Variants in KAZN observed in about 807,000 individuals in gnomAD.
KAZN encodes kazrin, periplakin interacting protein.
In KAZN, 40 loss-of-function variants were observed where a neutral mutation model predicts 87.4. The ratio of observed to expected loss-of-function variants is 0.46; its 90% confidence interval spans 0.36 to 0.60. The LOEUF (loss-of-function observed/expected upper bound fraction) is 0.60, where lower values mean the gene tolerates loss of function less well. Ranked by LOEUF, KAZN falls within the 20% of genes least tolerant of loss-of-function variation. KAZN has a pLI of 0.00. For missense variants in KAZN, 898 were observed against 1,073.9 expected, an observed-to-expected ratio of 0.84 and a Z score of 2.29; for synonymous variants, 466 against 458.3, an observed-to-expected ratio of 1.02 and a Z score of -0.22.
chr1:14,104,050 G>T (rs1251918687), intron 1 of KAZN, among the ~76,000 whole-genome samples: 1 of 152,198 alleles, frequency 6.6e-6, no homozygotes, highest in Non-Finnish European at 1.5e-5. Context: ...ACTGGAGACA[G>T]CGAAGACACT....
intron 1 of KAZN, among the ~76,000 whole-genome samples, chr1:14,129,227 G>A (rs759391567): frequency 2.6e-5 from 4 of 152,176 alleles, no homozygotes; most frequent in Non-Finnish European, 5.9e-5. Flanking sequence ...AGGCATGAAA[G>A]GGAATGTTTA....
At position 14,236,371 on chromosome 1, in the gene KAZN, CCAGGTCTTCCTCTTGTGCAGT is replaced by C. The variant is rs1344577019; in HGVS notation, c.249+55780_249+55800del. ...CTCTTCCTAGTCCAACATCTGCTGCCCAGGTCTTCCTCTTGTGCAGTAGGATTGACTTCTTCTGAAGATAAC... is the reference window on the plus strand; with the variant it reads ...CTCTTCCTAGTCCAACATCTGCTGCCAGGATTGACTTCTTCTGAAGATAAC... On this transcript the variant is annotated intron_variant, in intron 2 of 16. Transcript: ENST00000636203. Among the ~76,000 whole-genome samples, 34 of 152,264 alleles carry C rather than the reference CCAGGTCTTCCTCTTGTGCAGT, an allele frequency of 2.2e-4. 1 individual carries two copies. Among genetic ancestry groups the C allele is most frequent in the Non-Finnish European group, 1.5e-5 (1 of 68,024 alleles).
chr1:14,535,933 G>C (rs951371845), intron 2 of KAZN, among the ~76,000 whole-genome samples: 1 of 152,204 alleles, frequency 6.6e-6, no homozygotes, highest in Admixed American at 6.5e-5. Flanking sequence ...AGGGCAACTT[G>C]TTGAAAATAG....
At chr1:14,048,056 C>A (rs554783999) in intron 1 of KAZN, among the ~76,000 whole-genome samples, 103 of 152,270 alleles carry the variant, frequency 6.8e-4, no homozygotes, top group Non-Finnish European at 1.2e-3. Flanking sequence ...GCCAACTCTT[C>A]CACTCTCCAG....
chr1:14,355,427 T>C (rs1658936863), intron 2 of KAZN, among the ~76,000 whole-genome samples: 1 of 151,468 alleles, frequency 6.6e-6, no homozygotes, highest in Non-Finnish European at 1.5e-5. Context: ...TATTTATTTA[T>C]TTATTTATTT....
At chr1:14,670,824 G>T (rs1253481677) in intron 1 of KAZN, among the ~76,000 whole-genome samples, 1 of 152,218 alleles carries the variant, frequency 6.6e-6, no homozygotes, top group Non-Finnish European at 1.5e-5. Flanking sequence ...TGGTCCAGGT[G>T]CCACACTTTG....
At chr1:14,556,766 A>C (rs1673906413) in intron 2 of KAZN, among the ~76,000 whole-genome samples, 1 of 152,228 alleles carries the variant, frequency 6.6e-6, no homozygotes, top group Non-Finnish European at 1.5e-5. Flanking sequence ...TCCATCTCTA[A>C]GAAGAGGGAG....
intron 1 of KAZN, among the ~76,000 whole-genome samples, chr1:13,960,088 C>G (rs762363315): frequency 6.7e-6 from 1 of 148,578 alleles, no homozygotes; most frequent in Non-Finnish European, 1.5e-5. Flanking sequence ...GGGGAAAAAG[C>G]CATTAATAAA....
At chr1:14,612,807 C>T (rs1677923504) in intron 1 of KAZN, among the ~76,000 whole-genome samples, 1 of 152,194 alleles carries the variant, frequency 6.6e-6, no homozygotes, top group Non-Finnish European at 1.5e-5. Flanking sequence ...GGGATGAAAG[C>T]ATTCCCTGCT....
At chr1:14,503,301 G>A (rs941643238) in intron 2 of KAZN, among the ~76,000 whole-genome samples, 8 of 151,182 alleles carry the variant, frequency 5.3e-5, no homozygotes, top group African/African-American at 1.9e-4. Context: ...GGCTAACAAC[G>A]GTGAAACCCC....
intron 2 of KAZN, among the ~76,000 whole-genome samples, chr1:14,545,989 A>G (rs1284300528): frequency 6.6e-6 from 1 of 152,090 alleles, no homozygotes; most frequent in Non-Finnish European, 1.5e-5. Flanking sequence ...AGAACCAGAA[A>G]TATTTGGTGA....
intron 2 of KAZN, among the ~76,000 whole-genome samples, chr1:14,220,214 G>A (rs558022998): frequency 6.6e-6 from 1 of 152,224 alleles, no homozygotes; most frequent in African/African-American, 2.4e-5. Flanking sequence ...GCCTGTAGGA[G>A]CTCCAGACAT....
At chr1:14,098,270 C>T (rs908184152) in intron 1 of KAZN, among the ~76,000 whole-genome samples, 5 of 152,178 alleles carry the variant, frequency 3.3e-5, no homozygotes, top group African/African-American at 1.2e-4. Context: ...AGTCCTGGAA[C>T]TAAGAAGGTG....
At chr1:14,274,200 G>A (rs1014141910) in intron 2 of KAZN, among the ~76,000 whole-genome samples, 2 of 152,146 alleles carry the variant, frequency 1.3e-5, no homozygotes, top group African/African-American at 4.8e-5. Context: ...GTGATGAAAT[G>A]GATGTTTGCA....
intron 2 of KAZN, among the ~76,000 whole-genome samples, chr1:14,334,169 C>A (rs1428630976): frequency 1.3e-5 from 2 of 151,894 alleles, no homozygotes; most frequent in Admixed American, 6.5e-5. Flanking sequence ...AGTTCTAGAC[C>A]AGCCTGACCA....
chr1:14,344,555 G>A (rs567428011), intron 2 of KAZN, among the ~76,000 whole-genome samples: 1 of 152,134 alleles, frequency 6.6e-6, no homozygotes, highest in South Asian at 2.1e-4. Flanking sequence ...TGCAACTTCT[G>A]TTCTAATGGA....
Position 15,094,040 on chromosome 1 carries a change from C to T in KAZN, c.1223-140C>T. On this transcript the variant is annotated intron_variant, in intron 8 of 14. Transcript: ENST00000376030. This position sits in a 1 kb window ranked among gnomAD's most constrained non-coding sequence, Gnocchi z 4.5. ...GGCAAGGGCAGAAAAACAAAAACGCCAAAAGCCACTTTGATTTTGAAGAGA... is the reference window on the plus strand; with the variant it reads ...GGCAAGGGCAGAAAAACAAAAACGCTAAAAGCCACTTTGATTTTGAAGAGA... The T allele has an allele frequency of 1.4e-6, 1 of 692,124 alleles. No individual in the cohort carries two copies. Among genetic ancestry groups the T allele is most frequent in the Non-Finnish European group, 2.4e-6 (1 of 422,252 alleles). 42.9% of individuals were successfully genotyped at this position (692,124 alleles called of 1,614,324 possible).
At chr1:15,060,426 T>A in intron 6 of KAZN, 124 bp downstream of exon 6, 1 of 1,261,478 alleles carries the variant, frequency 7.9e-7, no homozygotes, top group Non-Finnish European at 1.1e-6. Context: ...CTCTGGCGAA[T>A]GCATTTCCTG....
Position 15,114,803 on chromosome 1 carries a change from G to C in KAZN, c.*168G>C. On this transcript the variant is annotated 3_prime_UTR_variant, in exon 15 of 15. Transcript: ENST00000376030. The stretch of plus-strand genomic sequence containing the variant: ...GCGGTTTCAGCTCCACAGCGCCCAG[G>C]AGAGAGAAGACACCAGCCCACCTGT... The C allele has an allele frequency of 1.6e-6, 1 of 631,070 alleles. No individual in the cohort carries two copies. Among genetic ancestry groups the C allele is most frequent in the Admixed American group, 3.0e-5 (1 of 33,042 alleles). 39.1% of individuals were successfully genotyped at this position (631,070 alleles called of 1,614,324 possible).
Sources: gnomAD v4.1 joint callset for allele counts (sites outside exome capture counted in the v4.1 genomes callset) on GRCh38, gnomAD v4.1.1 for gene constraint, Gnocchi (gnomAD v3.1) non-coding constraint, MANE v1.5 for transcripts, NCBI Gene and HGNC (gene_info 2026-07-23, HGNC 2026-07-21) for gene names.